VASP: variants seen among roughly 807,000 people sequenced by gnomAD.
The protein encoded by VASP is vasodilator stimulated phosphoprotein, also known as vasodilator-stimulated phosphoprotein.
A neutral mutation model predicts 54.4 loss-of-function variants in VASP; 27 were observed. The ratio of observed to expected loss-of-function variants is 0.50; its 90% CI spans 0.37 to 0.68. The LOEUF is 0.68. Among genes scored for constraint, VASP ranks in the 30% least tolerant of loss-of-function variants. The pLI is 0.00. For missense variants in VASP, 488 were observed against 528.3 expected, an observed-to-expected ratio of 0.92 and a Z score of 0.75; for synonymous variants, 233 against 209.8, an observed-to-expected ratio of 1.11 and a Z score of -0.96.
chr19:45,519,890 C>T (rs1325753332), intron 3 of VASP, among the ~76,000 whole-genome samples: 18 of 121,808 alleles, frequency 1.5e-4, no homozygotes, highest in African/African-American at 4.5e-4. Context: ...CCACTGCGCC[C>T]GGCCTTTTTT....
At position 45,517,786 on chromosome 19, in the gene VASP, G is replaced by C. The variant is rs200633127; in HGVS notation, c.129G>C (p.Thr43=). The C allele has an allele frequency of 2.5e-6, 4 of 1,613,832 alleles. No individual in the cohort carries two copies. Among genetic ancestry groups the C allele is most frequent in the African/African-American group, 1.3e-5 (1 of 74,990 alleles). ...FSRVQIYHNP[T]ANSFRVVGRK... ...GCGTCCAGATCTACCACAACCCCACGGCCAATTCCTTTCGCGTCGTGGGCC... is the reference window on the plus strand; with the variant it reads ...GCGTCCAGATCTACCACAACCCCACCGCCAATTCCTTTCGCGTCGTGGGCC... The change falls in exon 2 of 13, where the codon ACG becomes ACC. Residue 43 remains threonine, a synonymous_variant. Transcript: ENST00000245932.
At chr19:45,517,376 A>ATCTG (rs56149929) in intron 1 of VASP, among the ~76,000 whole-genome samples, 40,372 of 140,912 alleles carry the variant, frequency 0.29, 5,558 homozygotes, top group Admixed American at 0.34. Flanking sequence ...CCATCTGTTC[A>ATCTG]TCTGTCTGTC....
rs1253998369 is a variant in VASP at position 45,526,013 on chromosome 19, T to A, written c.1105+10T>A. The A allele has an allele frequency of 6.2e-7, 1 of 1,613,426 alleles. No individual in the cohort carries two copies. Among genetic ancestry groups the A allele is most frequent in the South Asian group, 1.1e-5 (1 of 90,962 alleles). ...GAGGAAATCATTGAAGGTGAGGTGG[T>A]TTGCTTTGGTTTTGTTCTTAAACAT... On this transcript the variant is annotated intron_variant, in intron 12 of 12. Coordinates refer to ENST00000245932, the MANE Select transcript of VASP (RefSeq NM_003370.4).
chr19:45,507,794 C>T lies in VASP; in HGVS notation c.5+18C>T, dbSNP rs192207031. 438 of 1,417,198 alleles carry T rather than the reference C, an allele frequency of 3.1e-4. 7 individuals are homozygous for T. In the East Asian group the frequency reaches 0.011, roughly 37 times the overall value. The allele number at this position is 1,417,198 out of a possible 1,614,324, so 87.8% of individuals were successfully genotyped here. ...GCCATGAGGTGAGCCGGACCTGCCC[C>T]CCGACCCGTCCCCGCCCGGGCGGGC... On this transcript the variant is annotated intron_variant, in intron 1 of 12. Coordinates refer to ENST00000245932, the MANE Select transcript of VASP (RefSeq NM_003370.4). The surrounding 1 kb of genome is among the most constrained non-coding windows in gnomAD (Gnocchi z 4.4).
intron 3 of VASP, 130 bp downstream of exon 3, chr19:45,518,224 T>G: frequency 7.5e-7 from 1 of 1,332,516 alleles, no homozygotes; most frequent in Non-Finnish European, 1.0e-6. Context: ...CATGGAAAAT[T>G]ATCACTAGCA....
rs61288703 is a variant in VASP at position 45,523,190 on chromosome 19, ATTTTTTTTTTT to A, written c.821+392_821+402del. On this transcript the variant is annotated intron_variant, in intron 7 of 12. Transcript: ENST00000245932. ...TGATTCTAGAACCACAATCTCTTGA[ATTTTTTTTTTT>A]TTTTTTTTTTTTTTTTTTTGAGATG... Among the ~76,000 whole-genome samples the A allele has an allele frequency of 8.4e-4, 63 of 74,732 alleles. 1 individual carries two copies. The South Asian group carries it at 0.014, about 17-fold the overall frequency. 49.0% of individuals were successfully genotyped at this position (74,732 alleles called of 152,430 possible).
rs919761579 is a variant in VASP, at chr19:45,518,768, G to A, written c.343+674G>A. On this transcript the variant is annotated intron_variant, in intron 3 of 12. Transcript: ENST00000245932. ...CAGCCTTCACCTCCTGGGCTCAAGT[G>A]ATCCTCTTGCCTCAGCCTCCTAAGT... Among the ~76,000 whole-genome samples, 41 of 152,132 alleles carry A rather than the reference G, an allele frequency of 2.7e-4. 1 individual carries two copies. The highest frequency in any genetic ancestry group is 2.6e-3 in the Admixed American group (39 of 15,276).
At chr19:45,513,309 A>T (rs367961305) in intron 1 of VASP, among the ~76,000 whole-genome samples, 116 of 151,974 alleles carry the variant, frequency 7.6e-4, no homozygotes, top group African/African-American at 2.7e-3. Flanking sequence ...AAGTGACCTG[A>T]ACAAGGCTCA....
chr19:45,510,203 A>G (rs1324824209), intron 1 of VASP, among the ~76,000 whole-genome samples: 2 of 150,652 alleles, frequency 1.3e-5, no homozygotes, highest in African/African-American at 4.9e-5. Flanking sequence ...GCCTGACAGC[A>G]ATTCTGGCTG....
At position 45,522,475 on chromosome 19, in the gene VASP, C is replaced by T. The variant is rs747523598; in HGVS notation, c.614C>T (p.Pro205Leu). ...AAAHGAGGGP[P>L]PAPPLPAAQG... ...GCGCACGGAGCAGGGGGAGGACCAC[C>T]CCCTGCACCCCCTCTCCCGGCAGCA... The change falls in exon 6 of 13, where the codon CCC (proline) becomes CTC (leucine). Residue 205 changes from proline to leucine, a missense_variant. This residue lies in a region of VASP where 226 missense variants were observed against 196.0 expected (regional missense o/e 1.15). Coordinates refer to ENST00000245932, the MANE Select transcript of VASP (RefSeq NM_003370.4). The T allele has an allele frequency of 1.4e-6, 2 of 1,473,838 alleles. No homozygotes were observed. The highest frequency in any genetic ancestry group is 1.8e-6 in the Non-Finnish European group (2 of 1,115,052). The allele number at this position is 1,473,838 out of a possible 1,614,324, so 91.3% of individuals were successfully genotyped here.
intron 4 of VASP, 54 bp from the exon 5 acceptor site, chr19:45,522,114 G>A (rs972796155): frequency 7.5e-6 from 12 of 1,609,844 alleles, no homozygotes; most frequent in Admixed American, 3.3e-5. Context: ...TGGCCCCTTC[G>A]CTGGCCATCC....
At position 45,507,480 on chromosome 19, in the gene VASP, C is replaced by CAGT; in HGVS notation, c.-287_-285dup. 1 of 447,098 alleles carries CAGT rather than the reference C, an allele frequency of 2.2e-6. No homozygotes were observed. Among genetic ancestry groups the CAGT allele is most frequent in the Non-Finnish European group, 4.0e-6 (1 of 252,288 alleles). 27.7% of individuals were successfully genotyped at this position (447,098 alleles called of 1,614,324 possible). ...GAACGAAATGTAACGAAGAGAAGTA[C>CAGT]AGTAGTAAGAGTAACACTGTAGCCG... On this transcript the variant is annotated 5_prime_UTR_variant, in exon 1 of 13. Transcript: ENST00000245932. The surrounding 1 kb of genome is among the most constrained non-coding windows in gnomAD (Gnocchi z 4.4).
chr19:45,514,603 C>T (rs1968665064), intron 1 of VASP, among the ~76,000 whole-genome samples: 1 of 152,212 alleles, frequency 6.6e-6, no homozygotes, highest in Non-Finnish European at 1.5e-5. Context: ...CTTGGTCACC[C>T]AGCAGGCGCC....
rs780353955 is a variant in VASP at position 45,524,678 on chromosome 19, T to C, written c.1047+18T>C. 17 of 1,611,926 alleles carry C rather than the reference T, an allele frequency of 1.1e-5. No homozygotes were observed. The highest frequency in any genetic ancestry group is 1.3e-5 in the Non-Finnish European group (15 of 1,178,464). Reference sequence around the variant, plus strand: ...TGAAACAGGTAACTTGGGGGGGAAGTTGGGGACCACAGCAAGAGAGATCTA... The same window carrying C: ...TGAAACAGGTAACTTGGGGGGGAAGCTGGGGACCACAGCAAGAGAGATCTA... On this transcript the variant is annotated intron_variant, in intron 11 of 12. Transcript: ENST00000245932.
At chr19:45,515,772 A>C (rs959787132) in intron 1 of VASP, among the ~76,000 whole-genome samples, 2 of 152,148 alleles carry the variant, frequency 1.3e-5, no homozygotes, top group Non-Finnish European at 2.9e-5. Flanking sequence ...ACCTGAGCTC[A>C]AGCGATCCAT....
intron 1 of VASP, among the ~76,000 whole-genome samples, chr19:45,516,657 C>T (rs1258787405): frequency 6.6e-6 from 1 of 152,174 alleles, no homozygotes; most frequent in African/African-American, 2.4e-5. Context: ...TTTATCTTTT[C>T]CTTCTTATTA....
chr19:45,521,246 G>C, intron 3 of VASP, 76 bp from the exon 4 acceptor site: 1 of 1,413,898 alleles, frequency 7.1e-7, no homozygotes. Flanking sequence ...TGGGAGGCCT[G>C]GGAGAGCAAG....
chr19:45,515,288 G>T lies in VASP; in HGVS notation c.6-2375G>T, dbSNP rs138795190. Among the ~76,000 whole-genome samples the T allele has an allele frequency of 3.7e-3, 563 of 152,274 alleles. 5 individuals carry two copies. The highest frequency in any genetic ancestry group is 0.012 in the African/African-American group (506 of 41,550). ...CTTCCCCATTTCAGGAAAAAGCCTG[G>T]TGTGGGTGGGGTGGGGAGGAGACCA... is the stretch of plus-strand genomic sequence containing the variant. On this transcript the variant is annotated intron_variant, in intron 1 of 12. Transcript: ENST00000245932.
intron 4 of VASP, 151 bp from the exon 5 acceptor site, chr19:45,522,017 C>T (rs1421146606): frequency 1.1e-6 from 1 of 949,286 alleles, no homozygotes; most frequent in Non-Finnish European, 1.6e-6. Flanking sequence ...ACCCAGCCCC[C>T]TTCTTGGTTC....
Sources: gnomAD v4.1 joint callset for allele counts (sites outside exome capture counted in the v4.1 genomes callset) on GRCh38, gnomAD v4.1.1 for gene constraint, gnomAD v4.1.1 regional missense constraint, Gnocchi (gnomAD v3.1) non-coding constraint, MANE v1.5 for transcripts, NCBI Gene and HGNC (gene_info 2026-07-23, HGNC 2026-07-21) for gene names.